MMP12: variants seen among roughly 807,000 people sequenced by gnomAD.
MMP12 encodes the protein matrix metallopeptidase 12.
In MMP12, 51 loss-of-function variants were observed where a neutral mutation model predicts 45.2. That is an observed-to-expected ratio of 1.13 (90% confidence interval 0.90 to 1.42). The LOEUF is 1.42. MMP12 is among the 40% of genes most tolerant of loss of function. MMP12 has a pLI of 0.00. For missense variants in MMP12, 530 were observed against 570.8 expected, an observed-to-expected ratio of 0.93 and a Z score of 0.73; for synonymous variants, 210 against 193.3, an observed-to-expected ratio of 1.09 and a Z score of -0.72.
chr11:102,868,607 G>A (rs1394958802), intron 4 of MMP12, among the ~76,000 whole-genome samples: 1 of 152,004 alleles, frequency 6.6e-6, no homozygotes, highest in East Asian at 1.9e-4. Context: ...TAAGTTTCAG[G>A]TACTGTGAGT....
At position 102,874,969 on chromosome 11, in the gene MMP12, C is replaced by CT; in HGVS notation, c.-33dup. 7.1e-7 allele frequency: 1 copy of CT among 1,410,748 alleles called. No homozygotes were observed. The highest frequency in any genetic ancestry group is 2.4e-5 in the East Asian group (1 of 41,060). The allele number at this position is 1,410,748 out of a possible 1,614,324, so 87.4% of individuals were successfully genotyped here. On this transcript the variant is annotated 5_prime_UTR_variant, in exon 1 of 10. Coordinates refer to ENST00000571244, the MANE Select transcript of MMP12 (RefSeq NM_002426.6). ...CTTCTAAACGGATCAATTCAGTTTACTGTGTTCCTTTCTAGCCTAAGTTCC... is the reference window on the plus strand; with the variant it reads ...CTTCTAAACGGATCAATTCAGTTTACTTGTGTTCCTTTCTAGCCTAAGTTCC...
chr11:102,871,782 A>T, intron 3 of MMP12, 22 bp downstream of exon 3: 1 of 1,613,034 alleles, frequency 6.2e-7, no homozygotes, highest in Non-Finnish European at 8.5e-7. Context: ...CAAATGACAA[A>T]GATGAAATAC....
At chr11:102,863,238 C>T (rs782496336) in intron 9 of MMP12, 38 bp from the exon 10 acceptor site, 1 of 1,116,796 alleles carries the variant, frequency 9.0e-7, no homozygotes, top group East Asian at 2.4e-5. Flanking sequence ...TAATTCCCTC[C>T]CTGTATTTCT....
chr11:102,867,314 A>G lies in MMP12; in HGVS notation c.867T>C (p.Asp289=), dbSNP rs199795949. 223 of 1,610,112 alleles carry G rather than the reference A, an allele frequency of 1.4e-4. No homozygotes were observed. Among genetic ancestry groups the G allele is most frequent in the Non-Finnish European group, 1.7e-4 (203 of 1,178,152 alleles). The change falls in exon 6 of 10, where the codon GAT becomes GAC. Residue 289 remains aspartate, a synonymous_variant. Transcript: ENST00000571244. ...TCTTATTTCCCACGGTAGTGACAGC[A>G]TCAAAACTCAAATTGGGGTCACAGA... ...PALCDPNLSF[D]AVTTVGNKIF...
In MMP12 at chr11:102,866,355, A is replaced by C; in HGVS notation, c.1005T>G (p.Ala335=). Residue 335 remains alanine, a synonymous_variant, in exon 7 of 10, where the codon GCT becomes GCG. Coordinates refer to ENST00000571244, the MANE Select transcript of MMP12 (RefSeq NM_002426.6). Reference sequence around the variant, plus strand: ...CTTGATTTCTGGCTTCAATTTCATAAGCAGCTTCAATGCCAGATGGCAAGG... The same window carrying C: ...CTTGATTTCTGGCTTCAATTTCATACGCAGCTTCAATGCCAGATGGCAAGG... The part of the protein sequence containing the change: ...WPTLPSGIEA[A]YEIEARNQVF... 1 of 1,598,250 alleles carries C rather than the reference A, an allele frequency of 6.3e-7. No homozygotes were observed.
chr11:102,874,205 T>C (rs1859554377), intron 1 of MMP12, among the ~76,000 whole-genome samples: 1 of 152,054 alleles, frequency 6.6e-6, no homozygotes, highest in Non-Finnish European at 1.5e-5. Context: ...CCAAACTCTT[T>C]TAATTAAGGA....
intron 2 of MMP12, among the ~76,000 whole-genome samples, chr11:102,872,403 C>T (rs547868491): frequency 1.3e-5 from 2 of 152,066 alleles, no homozygotes; most frequent in East Asian, 1.9e-4. Flanking sequence ...TGCAGTGGCA[C>T]GATCTCGGCT....
Position 102,866,398 on chromosome 11 carries a change from A to G in MMP12, c.962T>C (p.Ile321Thr). 6.2e-7 allele frequency: 1 copy of G among 1,609,336 alleles called. No individual in the cohort carries two copies. Among genetic ancestry groups the G allele is most frequent in the Non-Finnish European group, 8.5e-7 (1 of 1,177,870 alleles). ...TGGCAAGGTTGGCCATAAGGAAGAA[A>G]TTAAATTAACACTGGTCTTTGGTCT... ...SERPKTSVNL[I>T]SSLWPTLPSG... Residue 321 changes from isoleucine (I) to threonine (T), a missense_variant, in exon 7 of 10, where the codon ATT becomes ACT. By Grantham distance (89) the Ile-to-Thr change is moderately conservative (BLOSUM62 -1). Coordinates refer to ENST00000571244, the MANE Select transcript of MMP12 (RefSeq NM_002426.6).
chr11:102,868,909 C>CT lies in MMP12; in HGVS notation c.626-841dup, dbSNP rs566288026. Among the ~76,000 whole-genome samples the CT allele has an allele frequency of 6.5e-4, 99 of 151,902 alleles. No individual in the cohort carries two copies. The South Asian group carries it at 7.3e-3, about 11-fold the overall frequency. ...ACTACCAAGTTACAGTGTTTTCTGT[C>CT]TTTTTTTTGAGCCCCATTCAGACTT... On this transcript the variant is annotated intron_variant, in intron 4 of 9. Transcript: ENST00000571244.
At chr11:102,872,843 G>A in intron 2 of MMP12, 22 bp downstream of exon 2, 1 of 1,611,292 alleles carries the variant, frequency 6.2e-7, no homozygotes, top group Admixed American at 1.7e-5. Context: ...GAAAAATACA[G>A]GGCGACATAC....
At chr11:102,864,337 G>A (rs1221875983) in intron 8 of MMP12, 85 bp from the exon 9 acceptor site, 6 of 864,442 alleles carry the variant, frequency 6.9e-6, no homozygotes, top group Admixed American at 6.1e-5. Context: ...CTACTGAAGA[G>A]CTCTTCCCCA....
intron 1 of MMP12, 48 bp downstream of exon 1, chr11:102,874,788 T>C: frequency 2.4e-6 from 3 of 1,251,262 alleles, no homozygotes; most frequent in Non-Finnish European, 3.4e-6. Context: ...CAATTAAATC[T>C]TAAAGACAAA....
At chr11:102,872,096 T>C (rs1287426279) in intron 2 of MMP12, 144 bp from the exon 3 acceptor site, 33 of 938,684 alleles carry the variant, frequency 3.5e-5, no homozygotes, top group Non-Finnish European at 4.4e-5. Context: ...CTTCATTAAC[T>C]ACAGAAACAT....
At chr11:102,868,334 G>A (rs1859434319) in intron 4 of MMP12, among the ~76,000 whole-genome samples, 1 of 152,126 alleles carries the variant, frequency 6.6e-6, no homozygotes, top group African/African-American at 2.4e-5. Context: ...ACCAAAAAAT[G>A]TCTCCAGACA....
In MMP12 at chr11:102,871,922, A is replaced by G; in HGVS notation, c.381T>C (p.Arg127=). ...RINNYTPDMN[R]EDVDYAIRKA... Reference sequence around the variant, plus strand: ...TCCGGATTGCGTAGTCAACATCCTCACGGTTCATGTCAGGTGTGTAATTAT... The same window carrying G: ...TCCGGATTGCGTAGTCAACATCCTCGCGGTTCATGTCAGGTGTGTAATTAT... Residue 127 remains arginine, a synonymous_variant, in exon 3 of 10, where the codon CGT becomes CGC. Coordinates refer to ENST00000571244, the MANE Select transcript of MMP12 (RefSeq NM_002426.6). 6.2e-7 allele frequency: 1 copy of G among 1,613,346 alleles called. No individual in the cohort carries two copies. Among genetic ancestry groups the G allele is most frequent in the Non-Finnish European group, 8.5e-7 (1 of 1,179,662 alleles).
intron 4 of MMP12, 35 bp from the exon 5 acceptor site, chr11:102,868,104 T>C (rs781858620): frequency 6.6e-7 from 1 of 1,516,578 alleles, no homozygotes; most frequent in Non-Finnish European, 9.0e-7. Context: ...AGCTGTGAAA[T>C]GCATTATCAT....
At chr11:102,869,288 G>T (rs183266940) in intron 4 of MMP12, among the ~76,000 whole-genome samples, 1 of 151,908 alleles carries the variant, frequency 6.6e-6, no homozygotes, top group African/African-American at 2.4e-5. Flanking sequence ...CCTCTCTCGG[G>T]GAGTGTCTAG....
chr11:102,865,747 G>C lies in MMP12; in HGVS notation c.1205+29C>G. Reference sequence around the variant, plus strand: ...TTCCATATCTGTTTCACAATCTGAGGGGTCGAATGACCAACCATTAAAACT... The same window carrying C: ...TTCCATATCTGTTTCACAATCTGAGCGGTCGAATGACCAACCATTAAAACT... On this transcript the variant is annotated intron_variant, in intron 8 of 9. Coordinates refer to ENST00000571244, the MANE Select transcript of MMP12 (RefSeq NM_002426.6). This position sits in a 1 kb window ranked among gnomAD's most constrained non-coding sequence, Gnocchi z 4.1. 3 of 1,575,242 alleles carry C rather than the reference G, an allele frequency of 1.9e-6. No individual in the cohort carries two copies. In the African/African-American group the frequency reaches 4.0e-5, roughly 21 times the overall value.
intron 9 of MMP12, among the ~76,000 whole-genome samples, chr11:102,863,512 G>A (rs781893259): frequency 5.9e-5 from 9 of 152,076 alleles, no homozygotes; most frequent in Non-Finnish European, 1.2e-4. Context: ...CCCCCAAAAC[G>A]TCTACCAACA....
Sources: allele counts gnomAD v4.1 joint callset (sites outside exome capture counted in the v4.1 genomes callset), GRCh38; gene constraint gnomAD v4.1.1; non-coding constraint Gnocchi (gnomAD v3.1); transcripts MANE v1.5; gene names NCBI Gene and HGNC (gene_info 2026-07-23, HGNC 2026-07-21).